Variants in MYT1L observed in about 807,000 individuals in gnomAD.
MYT1L encodes myelin transcription factor 1 like.
Under a neutral mutation model 126.7 loss-of-function variants are expected in MYT1L, and 12 were observed. That is an observed-to-expected ratio of 0.09 (90% CI 0.06 to 0.15). The LOEUF is 0.15. MYT1L is among the 10% of genes least tolerant of loss of function. The probability of loss-of-function intolerance (pLI) is 1.00; values close to 1 mark genes in which losing one functional copy is unlikely to be tolerated. For missense variants in MYT1L, 979 were observed against 1,585.2 expected, an observed-to-expected ratio of 0.62 and a Z score of 6.49; for synonymous variants, 541 against 604.2, an observed-to-expected ratio of 0.90 and a Z score of 1.53.
chr2:2,191,074 C>T (rs546724257), intron 2 of MYT1L, among the ~76,000 whole-genome samples: 39 of 152,294 alleles, frequency 2.6e-4, no homozygotes, highest in Middle Eastern at 3.4e-3. Context: ...CGTGGGCCAC[C>T]GCGCCTGGCT....
intron 4 of MYT1L, among the ~76,000 whole-genome samples, chr2:2,047,645 T>C (rs1039769252): frequency 2.0e-5 from 3 of 152,192 alleles, no homozygotes; most frequent in African/African-American, 7.2e-5. Context: ...TGATAAAAAT[T>C]TGGCTAACTA....
At chr2:1,894,326 C>T (rs2049302519) in intron 14 of MYT1L, among the ~76,000 whole-genome samples, 1 of 152,162 alleles carries the variant, frequency 6.6e-6, no homozygotes. Flanking sequence ...AGAGAGACCA[C>T]CGTGGGGCTG....
intron 1 of MYT1L, among the ~76,000 whole-genome samples, chr2:2,296,676 C>T (rs985754490): frequency 2.6e-5 from 4 of 152,028 alleles, no homozygotes; most frequent in African/African-American, 9.7e-5. Flanking sequence ...CCGGTGGGGA[C>T]ACAGAAAGGA....
intron 2 of MYT1L, among the ~76,000 whole-genome samples, chr2:2,207,584 C>T (rs1037122936): frequency 6.6e-6 from 1 of 152,180 alleles, no homozygotes; most frequent in Non-Finnish European, 1.5e-5. Context: ...GCAAGGCTGT[C>T]TATTTGGTTC....
chr2:2,175,720 C>T (rs1229502045), intron 2 of MYT1L, among the ~76,000 whole-genome samples: 1 of 152,186 alleles, frequency 6.6e-6, no homozygotes, highest in Admixed American at 6.5e-5. Context: ...AGGAAAACTG[C>T]TTTAAGGTTT....
At chr2:1,856,826 T>C (rs117356962) in intron 18 of MYT1L, among the ~76,000 whole-genome samples, 1 of 152,352 alleles carries the variant, frequency 6.6e-6, no homozygotes, top group East Asian at 1.9e-4. Context: ...TTTTACTGCC[T>C]AAACCCACTT....
At chr2:2,146,978 C>A (rs1445248578) in intron 3 of MYT1L, among the ~76,000 whole-genome samples, 1 of 152,184 alleles carries the variant, frequency 6.6e-6, no homozygotes, top group East Asian at 1.9e-4. Flanking sequence ...CATCTGAGAT[C>A]ATCTCTTAGC....
At chr2:1,891,411 A>T (rs2048861281) in intron 15 of MYT1L, among the ~76,000 whole-genome samples, 1 of 152,216 alleles carries the variant, frequency 6.6e-6, no homozygotes, top group African/African-American at 2.4e-5. Flanking sequence ...TCTGTGCTGC[A>T]TCTTAAACGC....
chr2:1,895,874 A>T (rs1421570745), intron 14 of MYT1L, among the ~76,000 whole-genome samples: 1 of 152,258 alleles, frequency 6.6e-6, no homozygotes, highest in African/African-American at 2.4e-5. Context: ...CTGCACAGCA[A>T]AAGAAACTAT....
chr2:2,163,451 C>T (rs878995412), intron 3 of MYT1L, among the ~76,000 whole-genome samples: 1 of 152,032 alleles, frequency 6.6e-6, no homozygotes, highest in African/African-American at 2.4e-5. Context: ...ACAGGCCGGG[C>T]GCAGTGGCTC....
chr2:2,304,341 G>A (rs1231550234), intron 1 of MYT1L, among the ~76,000 whole-genome samples: 2 of 152,052 alleles, frequency 1.3e-5, no homozygotes, highest in Non-Finnish European at 2.9e-5. Context: ...TGTAGATAAG[G>A]CTAGCTATTG....
intron 3 of MYT1L, among the ~76,000 whole-genome samples, chr2:2,095,689 G>A (rs2077379566): frequency 6.6e-6 from 1 of 152,098 alleles, no homozygotes; most frequent in African/African-American, 2.4e-5. Flanking sequence ...ATGGGCCAAA[G>A]GGTTTTTGAC....
intron 11 of MYT1L, among the ~76,000 whole-genome samples, chr2:1,914,328 G>C (rs2052505799): frequency 1.3e-5 from 2 of 151,906 alleles, no homozygotes; most frequent in South Asian, 4.2e-4. Flanking sequence ...GACACACGGG[G>C]CTTTATCAGA....
chr2:2,138,191 A>G (rs2083343757), intron 3 of MYT1L, among the ~76,000 whole-genome samples: 1 of 151,942 alleles, frequency 6.6e-6, no homozygotes, highest in African/African-American at 2.4e-5. Context: ...AAGTCAGGAA[A>G]CAACAGGTGC....
At chr2:2,287,254 T>TG (rs2095535285) in intron 1 of MYT1L, among the ~76,000 whole-genome samples, 1 of 151,594 alleles carries the variant, frequency 6.6e-6, no homozygotes, top group South Asian at 2.1e-4. Flanking sequence ...AAACTCCGTC[T>TG]GAAAAAAAAA....
rs893033387 is a variant in MYT1L, at chr2:2,174,758, C to T, written c.-420-1770G>A. Among the ~76,000 whole-genome samples, 81 of 152,018 alleles carry T rather than the reference C, an allele frequency of 5.3e-4. 2 individuals are homozygous for T. The highest frequency in any genetic ancestry group is 1.9e-3 in the African/African-American group (80 of 41,292). ...ATTATGATTTAAAAATATAACTATT[C>T]ATCAAATGTTATTGATTGTATGGAC... On this transcript the variant is annotated intron_variant, in intron 2 of 24. Coordinates refer to ENST00000647738, the MANE Select transcript of MYT1L (RefSeq NM_001303052.2).
chr2:2,288,285 A>G (rs2095551719), intron 1 of MYT1L, among the ~76,000 whole-genome samples: 1 of 152,208 alleles, frequency 6.6e-6, no homozygotes, highest in South Asian at 2.1e-4. Context: ...TTGGATTTGA[A>G]CCCTGATCAT....
intron 8 of MYT1L, among the ~76,000 whole-genome samples, chr2:1,957,543 C>A (rs1478099224): frequency 6.6e-6 from 1 of 152,154 alleles, no homozygotes; most frequent in African/African-American, 2.4e-5. Flanking sequence ...CTTCCCCACT[C>A]TATCATCTCT....
chr2:2,249,172 T>C (rs992076506), intron 2 of MYT1L, among the ~76,000 whole-genome samples: 3 of 152,042 alleles, frequency 2.0e-5, no homozygotes, highest in African/African-American at 7.2e-5. Flanking sequence ...AAATAAATTT[T>C]GCAGGATACA....
Sources: gnomAD v4.1 joint callset for allele counts (sites outside exome capture counted in the v4.1 genomes callset) on GRCh38, gnomAD v4.1.1 for gene constraint, MANE v1.5 for transcripts, NCBI Gene and HGNC (gene_info 2026-07-23, HGNC 2026-07-21) for gene names.